The following PNKD variants were observed in gnomAD, a reference collection of about 807,000 sequenced individuals.
PNKD encodes the protein PNKD metallo-beta-lactamase domain containing.
In PNKD, 36 loss-of-function variants were observed where a neutral mutation model predicts 45.3. The observed-to-expected ratio is 0.80, with a 90% confidence interval of 0.61 to 1.05. The LOEUF is 1.05. Ranked by LOEUF, PNKD falls within the 50% of genes least tolerant of loss-of-function variation. The probability of loss-of-function intolerance (pLI) is 0.00; values close to 1 mark genes in which losing one functional copy is unlikely to be tolerated. For synonymous variants in PNKD, 197 were observed against 210.1 expected (o/e 0.94, Z 0.54); for missense variants, 511 against 506.6 (o/e 1.01, Z -0.08).
At chr2:218,279,933 A>T in intron 2 of PNKD, 1 of 913,968 alleles carries the variant, frequency 1.1e-6, no homozygotes, top group Non-Finnish European at 1.8e-6. Context: ...TATTTCATGG[A>T]ATTGATGCCC....
chr2:218,293,158 T>C (rs1185341505), intron 2 of PNKD, among the ~76,000 whole-genome samples: 1 of 152,210 alleles, frequency 6.6e-6, no homozygotes, highest in Non-Finnish European at 1.5e-5. Flanking sequence ...GGAAAGCAGG[T>C]GCTTTCCTCA....
At chr2:218,323,217 G>A in intron 2 of PNKD, 1 of 1,430,512 alleles carries the variant, frequency 7.0e-7, no homozygotes, top group African/African-American at 1.5e-5. Flanking sequence ...GGGCCGGGCC[G>A]TTGCCTAGCA....
intron 2 of PNKD, among the ~76,000 whole-genome samples, chr2:218,330,026 A>AC (rs1553671495): frequency 6.6e-6 from 1 of 152,208 alleles, no homozygotes; most frequent in Non-Finnish European, 1.5e-5. Flanking sequence ...GTCCCCGGCC[A>AC]GGCCCCACCA....
intron 2 of PNKD, among the ~76,000 whole-genome samples, chr2:218,323,677 G>A (rs910916472): frequency 1.3e-5 from 2 of 152,120 alleles, no homozygotes; most frequent in African/African-American, 4.8e-5. Flanking sequence ...GGTGGCCACG[G>A]AAGGAGGGCG....
At position 218,307,938 on chromosome 2, in the gene PNKD, C is replaced by T. The variant is rs546360605; in HGVS notation, c.237-31845C>T. On this transcript the variant is annotated intron_variant, in intron 2 of 9. Transcript: ENST00000273077. ...ATGGGTTTGACCTTCAAGGGGACAG[C>T]GCCAAATTAGGATGGAGCAGTACAG... 3.1e-4 allele frequency among the ~76,000 whole-genome samples: 47 copies of T among 152,108 alleles called. No individual in the cohort carries two copies. In the South Asian group the frequency reaches 7.5e-3, roughly 24 times the overall value.
chr2:218,334,034 A>G (rs1357847484), intron 2 of PNKD, among the ~76,000 whole-genome samples: 1 of 148,252 alleles, frequency 6.7e-6, no homozygotes, highest in Non-Finnish European at 1.5e-5. Context: ...AGAATTGCTT[A>G]AACCCGGGAG....
At chr2:218,313,342 C>A (rs1693672271) in intron 2 of PNKD, among the ~76,000 whole-genome samples, 1 of 152,136 alleles carries the variant, frequency 6.6e-6, no homozygotes, top group African/African-American at 2.4e-5. Context: ...AACTCCTGAC[C>A]TCAGGTGATC....
At chr2:218,323,483 A>T in intron 2 of PNKD, 2 of 993,188 alleles carry the variant, frequency 2.0e-6, no homozygotes, top group Non-Finnish European at 2.6e-6. Context: ...GCGCGCTGGG[A>T]GAGGGGACTG....
chr2:218,272,502 C>T (rs1375983211), intron 2 of PNKD: 1 of 1,442,122 alleles, frequency 6.9e-7, no homozygotes, highest in Non-Finnish European at 9.8e-7. Flanking sequence ...GCTAGAATGA[C>T]TCCCCCCAGC....
intron 2 of PNKD, among the ~76,000 whole-genome samples, chr2:218,283,585 G>C (rs912893092): frequency 6.6e-6 from 1 of 152,206 alleles, no homozygotes; most frequent in Non-Finnish European, 1.5e-5. Context: ...GACACCCCCA[G>C]ATGCAGGTCA....
intron 2 of PNKD, among the ~76,000 whole-genome samples, chr2:218,321,609 A>C (rs547490200): frequency 4.3e-4 from 65 of 151,120 alleles, no homozygotes; most frequent in Admixed American, 1.1e-3. Flanking sequence ...CAGCAGCAGC[A>C]AAGGTGAGCT....
chr2:218,319,471 G>C (rs1192107364), intron 2 of PNKD, among the ~76,000 whole-genome samples: 1 of 149,336 alleles, frequency 6.7e-6, no homozygotes, highest in Non-Finnish European at 1.5e-5. Flanking sequence ...CGCCTCTTAG[G>C]TTCAAGCAGT....
At position 218,323,484 on chromosome 2, in the gene PNKD, G is replaced by A. The variant is rs530256664; in HGVS notation, c.237-16299G>A. On this transcript the variant is annotated intron_variant, in intron 2 of 9. Coordinates refer to ENST00000273077, the MANE Select transcript of PNKD (RefSeq NM_015488.5). ...GGCTCGGGAGGCGGGCGCGCTGGGAGAGGGGACTGGGAGGCGGGGGCTGGA... is the reference window on the plus strand; with the variant it reads ...GGCTCGGGAGGCGGGCGCGCTGGGAAAGGGGACTGGGAGGCGGGGGCTGGA... 100 of 1,451,804 alleles carry A rather than the reference G, an allele frequency of 6.9e-5. No homozygotes were observed. The African/African-American group carries it at 1.2e-3, about 18-fold the overall frequency. The allele number at this position is 1,451,804 out of a possible 1,614,324, so 89.9% of individuals were successfully genotyped here.
At chr2:218,273,637 C>T (rs1690952393) in intron 2 of PNKD, among the ~76,000 whole-genome samples, 2 of 145,574 alleles carry the variant, frequency 1.4e-5, no homozygotes, top group East Asian at 2.0e-4. Context: ...CTCACCGCCA[C>T]TCCCAGTTAA....
intron 2 of PNKD, among the ~76,000 whole-genome samples, chr2:218,328,997 CGA>C (rs1422356070): frequency 3.9e-5 from 6 of 152,084 alleles, no homozygotes; most frequent in Admixed American, 3.9e-4. Flanking sequence ...TTCTTGAGGC[CGA>C]GAGTTTGAGA....
At chr2:218,300,057 A>G (rs974913478) in intron 2 of PNKD, among the ~76,000 whole-genome samples, 2 of 152,088 alleles carry the variant, frequency 1.3e-5, no homozygotes, top group Admixed American at 6.6e-5. Flanking sequence ...GCGCCTGACC[A>G]CCACCTCTTT....
chr2:218,336,785 ATTCT>A (rs1694506324), intron 2 of PNKD, among the ~76,000 whole-genome samples: 1 of 131,604 alleles, frequency 7.6e-6, no homozygotes, highest in African/African-American at 2.9e-5. Flanking sequence ...CTGGCCTTCA[ATTCT>A]TTTTTTTTTT....
intron 2 of PNKD, among the ~76,000 whole-genome samples, chr2:218,293,194 G>A (rs1030851082): frequency 2.0e-5 from 3 of 152,230 alleles, no homozygotes; most frequent in Non-Finnish European, 4.4e-5. Context: ...GTCCTACATT[G>A]AGATGTAGAT....
At chr2:218,283,164 G>A (rs776751771) in intron 2 of PNKD, among the ~76,000 whole-genome samples, 1 of 152,084 alleles carries the variant, frequency 6.6e-6, no homozygotes, top group Non-Finnish European at 1.5e-5. Context: ...CATAGCCAGG[G>A]GAGGGCCAAG....
Sources: allele counts gnomAD v4.1 joint callset (sites outside exome capture counted in the v4.1 genomes callset), GRCh38; gene constraint gnomAD v4.1.1; transcripts MANE v1.5; gene names NCBI Gene and HGNC (gene_info 2026-07-23, HGNC 2026-07-21).